RASGRF2: variants seen among roughly 807,000 people sequenced by gnomAD.
RASGRF2 encodes the protein ras-specific guanine nucleotide-releasing factor 2.
A neutral mutation model predicts 151.0 loss-of-function variants in RASGRF2; 76 were observed. The ratio of observed to expected loss-of-function variants is 0.50; its 90% confidence interval spans 0.42 to 0.61. The LOEUF (loss-of-function observed/expected upper bound fraction) is 0.61. RASGRF2 is among the 20% of genes least tolerant of loss of function. RASGRF2 has a pLI of 0.00. For synonymous variants in RASGRF2, 504 were observed against 566.5 expected (o/e 0.89, Z 1.57); for missense variants, 1,148 against 1,564.6 (o/e 0.73, Z 4.49).
intron 12 of RASGRF2, 72 bp from the exon 13 acceptor site, chr5:81,108,924 A>G (rs1752921156): frequency 2.0e-6 from 3 of 1,531,138 alleles, no homozygotes; most frequent in South Asian, 2.5e-5. Context: ...TTTTAGCTAT[A>G]AACAATTGTG....
chr5:81,183,378 G>A, intron 18 of RASGRF2: 2 of 915,716 alleles, frequency 2.2e-6, no homozygotes, highest in Non-Finnish European at 2.6e-6. Flanking sequence ...AAAAGTTGCA[G>A]AAGTGTGGGG....
Position 81,227,036 on chromosome 5 carries a change from T to C in RASGRF2, c.*1266T>C, listed in dbSNP as rs1008885825. ...TATCTCATTGTTTACCTCCCTCTTCTCTTCTCAGGGAGACTGCTGCTTTAA... is the reference window on the plus strand; with the variant it reads ...TATCTCATTGTTTACCTCCCTCTTCCCTTCTCAGGGAGACTGCTGCTTTAA... On this transcript the variant is annotated 3_prime_UTR_variant, in exon 27 of 27. Transcript: ENST00000265080. 2 of 152,214 alleles carry C rather than the reference T, an allele frequency of 1.3e-5. No individual in the cohort carries two copies. Among genetic ancestry groups the C allele is most frequent in the African/African-American group, 4.8e-5 (2 of 41,452 alleles). The allele number at this position is 152,214 out of a possible 1,614,324, so 9.4% of individuals were successfully genotyped here. A position where few individuals can be genotyped will look rare whatever the true frequency, so the allele number is the denominator to read the frequency against.
intron 17 of RASGRF2, among the ~76,000 whole-genome samples, chr5:81,170,757 T>C (rs1285476618): frequency 6.6e-6 from 1 of 152,206 alleles, no homozygotes; most frequent in Non-Finnish European, 1.5e-5. Flanking sequence ...TATTTGCTTA[T>C]AGATAATAAT....
chr5:81,209,930 G>A (rs1227877253), intron 22 of RASGRF2, among the ~76,000 whole-genome samples: 2 of 152,134 alleles, frequency 1.3e-5, no homozygotes, highest in South Asian at 2.1e-4. Context: ...GGATCTAGAC[G>A]TCATCTTCTC....
At chr5:81,100,456 A>G (rs1341098754) in intron 12 of RASGRF2, among the ~76,000 whole-genome samples, 2 of 152,172 alleles carry the variant, frequency 1.3e-5, no homozygotes, top group African/African-American at 4.8e-5. Flanking sequence ...TCACACTCTT[A>G]GTTACACCAG....
rs1172933214 is a variant in RASGRF2, at chr5:81,113,557, G to A, written c.2107G>A (p.Ala703Thr). The change falls in exon 15 of 27, where the codon GCT (alanine) becomes ACT (threonine). Residue 703 changes from alanine (A) to threonine (T), a missense_variant. Ala to Thr is a moderately conservative substitution (Grantham distance 58). Coordinates refer to ENST00000265080, the MANE Select transcript of RASGRF2 (RefSeq NM_006909.3). ...TTTTAGGTCATTGGAATTGTTTTTTGCTACCAGCCAGAACAACAGAGGTGA... is the reference window on the plus strand; with the variant it reads ...TTTTAGGTCATTGGAATTGTTTTTTACTACCAGCCAGAACAACAGAGGTGA... The part of the protein sequence containing the change: ...IPVRSLELFF[A>T]TSQNNRGEHL... 3 of 1,606,536 alleles carry A rather than the reference G, an allele frequency of 1.9e-6. No individual in the cohort carries two copies. The highest frequency in any genetic ancestry group is 1.7e-5 in the Admixed American group (1 of 58,558).
At chr5:81,203,039 C>T (rs13176667) in intron 19 of RASGRF2, among the ~76,000 whole-genome samples, 2,115 of 152,348 alleles carry the variant, frequency 0.014, 31 homozygotes, top group Non-Finnish European at 0.025. Flanking sequence ...GCCTTCTTCA[C>T]TTTTTCCATT....
chr5:81,033,996 A>G (rs1050893121), intron 1 of RASGRF2, among the ~76,000 whole-genome samples: 5 of 152,216 alleles, frequency 3.3e-5, no homozygotes, highest in African/African-American at 1.2e-4. Flanking sequence ...AAGGATATGA[A>G]CAGACACTTC....
chr5:80,976,823 C>G (rs6870386), intron 1 of RASGRF2, among the ~76,000 whole-genome samples: 3,333 of 152,194 alleles, frequency 0.022, 142 homozygotes, highest in African/African-American at 0.077. Flanking sequence ...TCCTCTGTGC[C>G]TTGATTTATG....
chr5:81,085,798 C>T lies in RASGRF2; in HGVS notation c.1162-4C>T. 1 of 1,614,062 alleles carries T rather than the reference C, an allele frequency of 6.2e-7. No individual in the cohort carries two copies. Among genetic ancestry groups the T allele is most frequent in the Non-Finnish European group, 8.5e-7 (1 of 1,179,990 alleles). On this transcript the variant is annotated splice_region_variant and splice_polypyrimidine_tract_variant and intron_variant, in intron 7 of 26. Transcript: ENST00000265080. ...TGCTCATACTGGCCTCTGTTTGCAT[C>T]TAGATCCCCAGATATATCATCACAC...
chr5:81,080,325 C>T (rs1475817177), intron 6 of RASGRF2, 125 bp downstream of exon 6: 1 of 1,479,202 alleles, frequency 6.8e-7, no homozygotes, highest in African/African-American at 1.4e-5. Context: ...CTTCTGTATC[C>T]CGGGACCCTG....
intron 26 of RASGRF2, among the ~76,000 whole-genome samples, chr5:81,225,444 TAGTAAC>T (rs547476947): frequency 4.4e-4 from 67 of 151,306 alleles, no homozygotes; most frequent in African/African-American, 1.6e-3. Flanking sequence ...ACAAACCAAT[TAGTAAC>T]AGTAGTTCCT....
intron 17 of RASGRF2, among the ~76,000 whole-genome samples, chr5:81,136,670 T>C (rs769280334): frequency 6.6e-6 from 1 of 152,232 alleles, no homozygotes; most frequent in Non-Finnish European, 1.5e-5. Context: ...TTATTAATTT[T>C]GGAAAGCTCT....
chr5:81,055,986 T>A (rs1751195152), intron 2 of RASGRF2, among the ~76,000 whole-genome samples: 2 of 152,222 alleles, frequency 1.3e-5, no homozygotes, highest in African/African-American at 4.8e-5. Flanking sequence ...CCCTTTATCA[T>A]TTTTTATTGT....
chr5:81,168,259 C>T (rs1394797528), intron 17 of RASGRF2, among the ~76,000 whole-genome samples: 11 of 151,700 alleles, frequency 7.3e-5, no homozygotes, highest in Non-Finnish European at 1.0e-4. Context: ...CATCAATTTC[C>T]CCCTTTATCA....
Position 81,123,635 on chromosome 5 carries a change from C to T in RASGRF2, c.2471-7C>T. On this transcript the variant is annotated splice_region_variant and splice_polypyrimidine_tract_variant and intron_variant, in intron 15 of 26. Coordinates refer to ENST00000265080, the MANE Select transcript of RASGRF2 (RefSeq NM_006909.3). ...TGGTTGTTAAAATTCATGATGTTTT[C>T]AAGCAGCAGTCCTAGAGTCTGCACC... 1 of 1,607,766 alleles carries T rather than the reference C, an allele frequency of 6.2e-7. No individual in the cohort carries two copies. The highest frequency in any genetic ancestry group is 2.2e-5 in the East Asian group (1 of 44,750).
intron 17 of RASGRF2, 41 bp from the exon 18 acceptor site, chr5:81,180,134 G>A (rs770844914): frequency 1.1e-5 from 13 of 1,185,472 alleles, no homozygotes; most frequent in Non-Finnish European, 1.6e-5. Context: ...CCTAGGGAGT[G>A]GCTTTAACTG....
intron 1 of RASGRF2, among the ~76,000 whole-genome samples, chr5:81,004,789 G>A (rs989919680): frequency 6.6e-6 from 1 of 152,256 alleles, no homozygotes; most frequent in Admixed American, 6.5e-5. Context: ...CAAATGCAGT[G>A]CAGCAAATAT....
Position 81,073,225 on chromosome 5 carries a change from G to T in RASGRF2, c.660G>T (p.Leu220Phe), listed in dbSNP as rs1306508437. ...TTCAGAGCTTCATGCGAGGATGGTT[G>T]TGCAGAAGGAAATGGAAGACCATCG... ...KKVQSFMRGW[L>F]CRRKWKTIVQ... is the part of the protein sequence containing the mutation. The change falls in exon 5 of 27, where the codon TTG becomes TTT. Residue 220 changes from leucine (L) to phenylalanine (F), a missense_variant. Coordinates refer to ENST00000265080, the MANE Select transcript of RASGRF2 (RefSeq NM_006909.3). The T allele has an allele frequency of 6.2e-7, 1 of 1,614,100 alleles. No individual in the cohort carries two copies. The highest frequency in any genetic ancestry group is 8.5e-7 in the Non-Finnish European group (1 of 1,179,950).
Sources: allele counts gnomAD v4.1 joint callset (sites outside exome capture counted in the v4.1 genomes callset), GRCh38; gene constraint gnomAD v4.1.1; transcripts MANE v1.5; gene names NCBI Gene and HGNC (gene_info 2026-07-23, HGNC 2026-07-21).